TSHZ2: variants seen among roughly 807,000 people sequenced by gnomAD.
TSHZ2 encodes teashirt zinc finger homeobox 2, also known as teashirt homolog 2.
In TSHZ2, 21 loss-of-function variants were observed where a neutral mutation model predicts 74.4. The ratio of observed to expected loss-of-function variants is 0.28; its 90% confidence interval spans 0.20 to 0.41. TSHZ2 has a LOEUF of 0.41. Among genes scored for constraint, TSHZ2 ranks in the 10% least tolerant of loss-of-function variants. The pLI is 1.00. For synonymous variants in TSHZ2, 540 were observed against 515.3 expected (o/e 1.05, Z -0.65); for missense variants, 1,244 against 1,293.5 (o/e 0.96, Z 0.59).
chr20:53,296,296 G>C (rs1219708411), intron 2 of TSHZ2, among the ~76,000 whole-genome samples: 2 of 152,174 alleles, frequency 1.3e-5, no homozygotes, highest in African/African-American at 4.8e-5. Context: ...TTAAGGAAAA[G>C]ACCAGATGTC....
chr20:53,468,211 C>A (rs1985619392), intron 2 of TSHZ2, among the ~76,000 whole-genome samples: 1 of 152,046 alleles, frequency 6.6e-6, no homozygotes, highest in African/African-American at 2.4e-5. Flanking sequence ...GATTGACATA[C>A]CTTTGATTAT....
chr20:53,154,126 G>A (rs1279839768), intron 1 of TSHZ2, among the ~76,000 whole-genome samples: 1 of 152,198 alleles, frequency 6.6e-6, no homozygotes, highest in African/African-American at 2.4e-5. Context: ...GGCAAAATGT[G>A]TGCATACAAA....
At chr20:53,369,537 T>C (rs1981392254) in intron 2 of TSHZ2, among the ~76,000 whole-genome samples, 1 of 151,626 alleles carries the variant, frequency 6.6e-6, no homozygotes, top group South Asian at 2.1e-4. Flanking sequence ...TGAAACCCCA[T>C]CTTTACTAAA....
At chr20:53,080,733 A>G (rs764623351) in intron 1 of TSHZ2, among the ~76,000 whole-genome samples, 6 of 152,156 alleles carry the variant, frequency 3.9e-5, no homozygotes, top group Admixed American at 2.0e-4. Context: ...ACCTCCTGCT[A>G]TTCAGCCTGG....
At chr20:53,001,220 G>GTA (rs1555813592) in intron 1 of TSHZ2, among the ~76,000 whole-genome samples, 24 of 146,398 alleles carry the variant, frequency 1.6e-4, no homozygotes, top group African/African-American at 5.1e-4. Context: ...GTGTGTGTGT[G>GTA]TGTGTGTGTG....
chr20:53,027,030 A>G (rs2870047), intron 1 of TSHZ2, among the ~76,000 whole-genome samples: 107,348 of 151,658 alleles, frequency 0.71, 39,049 homozygotes, highest in East Asian at 0.96. Context: ...ACATTTCATT[A>G]AATAGTACTC....
intron 2 of TSHZ2, among the ~76,000 whole-genome samples, chr20:53,280,671 G>T (rs371690641): frequency 2.8e-5 from 4 of 144,366 alleles, no homozygotes; most frequent in African/African-American, 1.1e-4. Context: ...GTTTTTTGTT[G>T]TTGTTGTTGT....
chr20:53,121,221 GTATT>G (rs1308969959), intron 1 of TSHZ2, among the ~76,000 whole-genome samples: 3 of 152,264 alleles, frequency 2.0e-5, no homozygotes, highest in Non-Finnish European at 2.9e-5. Flanking sequence ...ACATGTGAAA[GTATT>G]TATGAAAACA....
chr20:53,484,449 G>A (rs1008756039), intron 2 of TSHZ2, among the ~76,000 whole-genome samples: 23 of 147,720 alleles, frequency 1.6e-4, no homozygotes, highest in Middle Eastern at 6.9e-3. Context: ...GCAGTGGTGC[G>A]ATCTTGGCTC....
intron 1 of TSHZ2, among the ~76,000 whole-genome samples, chr20:53,172,897 A>G (rs561892501): frequency 6.6e-6 from 1 of 152,298 alleles, no homozygotes; most frequent in Non-Finnish European, 1.5e-5. Context: ...GAGAGGAATG[A>G]TAGGAGGTAG....
intron 2 of TSHZ2, among the ~76,000 whole-genome samples, chr20:53,333,787 A>G (rs1979829314): frequency 6.6e-6 from 1 of 152,160 alleles, no homozygotes; most frequent in Non-Finnish European, 1.5e-5. Context: ...CTTGAGCTAC[A>G]TAGCTCTTAT....
intron 2 of TSHZ2, among the ~76,000 whole-genome samples, chr20:53,478,314 A>G (rs1267954704): frequency 2.0e-5 from 3 of 151,786 alleles, no homozygotes; most frequent in Non-Finnish European, 4.4e-5. Flanking sequence ...CATATACACC[A>G]TGGAATACTA....
At chr20:52,987,401 C>G (rs1018579440) in intron 1 of TSHZ2, among the ~76,000 whole-genome samples, 4 of 152,076 alleles carry the variant, frequency 2.6e-5, no homozygotes, top group African/African-American at 9.7e-5. Context: ...TACAGGATAA[C>G]AGGAAAAAGT....
At chr20:52,995,339 A>G (rs778609051) in intron 1 of TSHZ2, among the ~76,000 whole-genome samples, 1 of 152,196 alleles carries the variant, frequency 6.6e-6, no homozygotes, top group Non-Finnish European at 1.5e-5. Flanking sequence ...AGAAAAGAAC[A>G]TCTCTCTCAG....
chr20:53,330,961 G>T (rs1038123462), intron 2 of TSHZ2, among the ~76,000 whole-genome samples: 1 of 152,184 alleles, frequency 6.6e-6, no homozygotes, highest in African/African-American at 2.4e-5. Context: ...AAGGAAATCT[G>T]CCAGGGTGTC....
intron 1 of TSHZ2, among the ~76,000 whole-genome samples, chr20:53,193,637 C>A (rs1381515290): frequency 1.3e-5 from 2 of 152,328 alleles, no homozygotes; most frequent in East Asian, 1.9e-4. Flanking sequence ...GGGTTGAATT[C>A]ATACAGGCAC....
intron 1 of TSHZ2, among the ~76,000 whole-genome samples, chr20:53,001,212 G>GTGTGTGTGTGTGTGTGTGTGTA (rs1600639106): frequency 4.1e-5 from 5 of 123,434 alleles, no homozygotes; most frequent in Non-Finnish European, 8.2e-5. Context: ...GTGCGTGTGT[G>GTGTGTGTGTGTGTGTGTGTGTA]TGTGTGTGTG....
rs34687825 is a variant in TSHZ2 at position 53,323,563 on chromosome 20, C to CTTTTTTTTTTTTTTTTTTT, written c.*8+67006_*8+67024dup. Among the ~76,000 whole-genome samples the CTTTTTTTTTTTTTTTTTTT allele has an allele frequency of 3.5e-4, 13 of 36,678 alleles. 5 individuals carry two copies. Among genetic ancestry groups the CTTTTTTTTTTTTTTTTTTT allele is most frequent in the Non-Finnish European group, 6.0e-4 (13 of 21,684 alleles). The allele number at this position is 36,678 out of a possible 152,430, so 24.1% of individuals were successfully genotyped here. ...CACCCGTTTTCATTGCCTTGGAGGGCTTTTTTTTTTTTTTTTTTTTTTTTT... is the reference window on the plus strand; with the variant it reads ...CACCCGTTTTCATTGCCTTGGAGGGCTTTTTTTTTTTTTTTTTTTTTTTTTTTTTTTTTTTTTTTTTTTT... On this transcript the variant is annotated intron_variant, in intron 2 of 2. Coordinates refer to ENST00000371497, the MANE Select transcript of TSHZ2 (RefSeq NM_173485.6).
At chr20:53,113,568 T>G (rs532346809) in intron 1 of TSHZ2, among the ~76,000 whole-genome samples, 23 of 152,282 alleles carry the variant, frequency 1.5e-4, no homozygotes, top group East Asian at 5.8e-4. Context: ...TCTTAGATAA[T>G]AGGAGTAAAT....
Sources: gnomAD v4.1 joint callset for allele counts (sites outside exome capture counted in the v4.1 genomes callset) on GRCh38, gnomAD v4.1.1 for gene constraint, MANE v1.5 for transcripts, NCBI Gene and HGNC (gene_info 2026-07-23, HGNC 2026-07-21) for gene names.